Variants in TMC1 observed in about 807,000 individuals in gnomAD.
TMC1 encodes the protein transmembrane channel-like protein 1.
A neutral mutation model predicts 105.8 loss-of-function variants in TMC1; 84 were observed. The observed-to-expected ratio is 0.79, with a 90% CI of 0.67 to 0.95. The LOEUF is 0.95. TMC1 is among the 40% of genes least tolerant of loss of function. The probability of loss-of-function intolerance (pLI) is 0.00; values close to 1 mark genes in which losing one functional copy is unlikely to be tolerated. For missense variants in TMC1, 817 were observed against 914.1 expected (o/e 0.89, Z 1.37); for synonymous variants, 315 against 311.5 (o/e 1.01, Z -0.12).
intron 8 of TMC1, among the ~76,000 whole-genome samples, chr9:72,715,999 C>G (rs907506580): frequency 6.6e-6 from 1 of 152,226 alleles, no homozygotes; most frequent in Admixed American, 6.5e-5. Context: ...GTTAGTTTTC[C>G]TTCTAACCAT....
Position 72,685,898 on chromosome 9 carries a change from C to G in TMC1, c.17-2811C>G, listed in dbSNP as rs78307487. Among the ~76,000 whole-genome samples the G allele has an allele frequency of 3.0e-3, 460 of 152,330 alleles. 3 individuals carry two copies. The highest frequency in any genetic ancestry group is 0.011 in the African/African-American group (439 of 41,578). On this transcript the variant is annotated intron_variant, in intron 5 of 23. Transcript: ENST00000297784. The stretch of plus-strand genomic sequence containing the variant: ...AAAAAGGCAATACCATTCAACTCTT[C>G]TGGCCACTTGGTCACTGTGTTATCC...
At chr9:72,567,785 T>C (rs1347986888) in intron 1 of TMC1, among the ~76,000 whole-genome samples, 3 of 152,166 alleles carry the variant, frequency 2.0e-5, no homozygotes, top group Non-Finnish European at 4.4e-5. Flanking sequence ...AAAATAGCCT[T>C]CCAGCTGAAG....
At chr9:72,777,629 C>A (rs1181831461) in intron 13 of TMC1, among the ~76,000 whole-genome samples, 1 of 152,160 alleles carries the variant, frequency 6.6e-6, no homozygotes, top group Non-Finnish European at 1.5e-5. Flanking sequence ...AAGTCACCAC[C>A]TTCCATTTTA....
chr9:72,602,229 A>G (rs1824828260), intron 2 of TMC1, among the ~76,000 whole-genome samples: 1 of 152,114 alleles, frequency 6.6e-6, no homozygotes, highest in African/African-American at 2.4e-5. Context: ...GTTTTAGTAT[A>G]ATATTATTAC....
At chr9:72,814,668 C>CT (rs1444482463) in intron 18 of TMC1, among the ~76,000 whole-genome samples, 1 of 152,166 alleles carries the variant, frequency 6.6e-6, no homozygotes, top group African/African-American at 2.4e-5. Flanking sequence ...TTCCCTGAAT[C>CT]TGTTACAAGG....
chr9:72,577,090 T>C (rs1372023997), intron 1 of TMC1, among the ~76,000 whole-genome samples: 2 of 152,154 alleles, frequency 1.3e-5, no homozygotes, highest in Non-Finnish European at 2.9e-5. Context: ...AATTTAAGGA[T>C]AAATAATGTA....
chr9:72,588,836 C>T (rs973037266), intron 2 of TMC1, among the ~76,000 whole-genome samples: 1 of 148,982 alleles, frequency 6.7e-6, no homozygotes, highest in African/African-American at 2.5e-5. Flanking sequence ...AGTGCAATGG[C>T]GTGATCTCGG....
At chr9:72,545,199 C>CAT (rs138344531) in intron 1 of TMC1, among the ~76,000 whole-genome samples, 31 of 150,546 alleles carry the variant, frequency 2.1e-4, no homozygotes, top group African/African-American at 5.1e-4. Flanking sequence ...TATATATACA[C>CAT]ATATATATAT....
chr9:72,779,808 G>A (rs1359751490), intron 13 of TMC1, among the ~76,000 whole-genome samples: 2 of 152,162 alleles, frequency 1.3e-5, no homozygotes, highest in Non-Finnish European at 2.9e-5. Flanking sequence ...TGAAAGAGAG[G>A]GGGAGAGAGA....
chr9:72,662,518 C>T (rs983435767), intron 5 of TMC1, among the ~76,000 whole-genome samples: 21 of 151,928 alleles, frequency 1.4e-4, no homozygotes, highest in Non-Finnish European at 3.1e-4. Context: ...GTATCAATAC[C>T]ATCATTTTGG....
chr9:72,806,250 G>GCA (rs1828579521), intron 18 of TMC1, among the ~76,000 whole-genome samples: 1 of 150,442 alleles, frequency 6.6e-6, no homozygotes, highest in East Asian at 2.0e-4. Context: ...CTCCCGGATG[G>GCA]GGCGGCTGGC....
chr9:72,820,689 T>A (rs1485929294), intron 19 of TMC1, among the ~76,000 whole-genome samples, 153 bp from the exon 20 acceptor site: 1 of 152,210 alleles, frequency 6.6e-6, no homozygotes, highest in African/African-American at 2.4e-5. Flanking sequence ...AATAGATAAG[T>A]GCAGTTTCTT....
In TMC1 at chr9:72,795,368, A is replaced by T. The variant is rs566992400; in HGVS notation, c.1566+3016A>T. Among the ~76,000 whole-genome samples, 3 of 152,298 alleles carry T rather than the reference A, an allele frequency of 2.0e-5. No individual in the cohort carries two copies. In the East Asian group the frequency reaches 5.8e-4, roughly 29 times the overall value. On this transcript the variant is annotated intron_variant, in intron 17 of 23. Coordinates refer to ENST00000297784, the MANE Select transcript of TMC1 (RefSeq NM_138691.3). ...AATTGTCAGGTTTTCTCAGGTCAAA[A>T]TGAAAAAATGTTAAAGACAGCCAGA...
At chr9:72,739,929 C>A (rs2118013980) in intron 8 of TMC1, among the ~76,000 whole-genome samples, 190 bp from the exon 9 acceptor site, 1 of 152,244 alleles carries the variant, frequency 6.6e-6, no homozygotes, top group African/African-American at 2.4e-5. Context: ...CTTACTCTTC[C>A]TGGTCAGCAT....
At chr9:72,665,984 G>T (rs997935302) in intron 5 of TMC1, among the ~76,000 whole-genome samples, 2 of 152,320 alleles carry the variant, frequency 1.3e-5, no homozygotes, top group African/African-American at 4.8e-5. Context: ...ATGGCCTTTG[G>T]TTGCATCTTC....
chr9:72,572,732 T>C (rs1378747088), intron 1 of TMC1, among the ~76,000 whole-genome samples: 1 of 152,206 alleles, frequency 6.6e-6, no homozygotes, highest in Non-Finnish European at 1.5e-5. Context: ...TTCATGACTG[T>C]AATCTCCCAG....
In TMC1 at chr9:72,752,202, G is replaced by A. The variant is rs376222732; in HGVS notation, c.642+246G>A. Among the ~76,000 whole-genome samples, 263 of 152,202 alleles carry A rather than the reference G, an allele frequency of 1.7e-3. 3 individuals are homozygous for A. Among genetic ancestry groups the A allele is most frequent in the African/African-American group, 6.2e-3 (258 of 41,532 alleles). ...TAATTTCACATGTATGTTTAAATGT[G>A]TATTTTTATGTGGAAAGTTTCATGG... On this transcript the variant is annotated intron_variant, in intron 11 of 23. Transcript: ENST00000297784.
At chr9:72,814,783 A>G (rs1828756369) in intron 18 of TMC1, among the ~76,000 whole-genome samples, 1 of 152,156 alleles carries the variant, frequency 6.6e-6, no homozygotes, top group Non-Finnish European at 1.5e-5. Flanking sequence ...CAAGCATTTG[A>G]AAATTGAGAA....
chr9:72,665,798 A>ATATT (rs1408310720), intron 5 of TMC1, among the ~76,000 whole-genome samples: 1 of 152,230 alleles, frequency 6.6e-6, no homozygotes, highest in Non-Finnish European at 1.5e-5. Context: ...CTCCTGATGT[A>ATATT]TATTTAGATG....
Sources: allele counts gnomAD v4.1 joint callset (sites outside exome capture counted in the v4.1 genomes callset), GRCh38; gene constraint gnomAD v4.1.1; transcripts MANE v1.5; gene names NCBI Gene and HGNC (gene_info 2026-07-23, HGNC 2026-07-21).